The following MYO16 variants were observed in gnomAD, a reference collection of about 807,000 sequenced individuals.
The protein encoded by MYO16 is unconventional myosin-XVI.
A neutral mutation model predicts 205.3 loss-of-function variants in MYO16; 94 were observed. The ratio of observed to expected loss-of-function variants is 0.46; its 90% CI spans 0.39 to 0.54. The LOEUF (loss-of-function observed/expected upper bound fraction) is 0.54, where lower values mean the gene tolerates loss of function less well. Among genes scored for constraint, MYO16 ranks in the 20% least tolerant of loss-of-function variants. MYO16 has a pLI of 0.00. For synonymous variants in MYO16, 988 were observed against 954.0 expected (o/e 1.04, Z -0.66); for missense variants, 2,315 against 2,387.5 (o/e 0.97, Z 0.63).
chr13:108,676,601 G>A (rs529885195), intron 2 of MYO16, among the ~76,000 whole-genome samples: 1 of 152,298 alleles, frequency 6.6e-6, no homozygotes, highest in East Asian at 1.9e-4. Flanking sequence ...CCAAGGACTT[G>A]CGTCCATTGA....
At chr13:108,749,563 C>G (rs1429175323) in intron 4 of MYO16, among the ~76,000 whole-genome samples, 3 of 152,098 alleles carry the variant, frequency 2.0e-5, no homozygotes, top group Non-Finnish European at 4.4e-5. Flanking sequence ...AAAACAAGAT[C>G]CAGTACCACC....
the MYO16 span, among the ~76,000 whole-genome samples, chr13:108,562,063 A>G: frequency 6.6e-6 from 1 of 152,184 alleles, no homozygotes; most frequent in African/African-American, 2.4e-5. Context: ...TGTATTGTAG[A>G]TTTTGTTTAT....
intron 16 of MYO16, among the ~76,000 whole-genome samples, chr13:108,926,500 C>T (rs921802697): frequency 9.9e-5 from 15 of 152,150 alleles, no homozygotes; most frequent in African/African-American, 2.4e-4. Context: ...AAGGAGGCAT[C>T]GTGCTCAGGC....
At chr13:109,160,399 G>T (rs1878322590) in intron 32 of MYO16, among the ~76,000 whole-genome samples, 1 of 152,154 alleles carries the variant, frequency 6.6e-6, no homozygotes, top group Non-Finnish European at 1.5e-5. Context: ...CAAAGGCCAA[G>T]ACTTTATTTT....
chr13:109,079,515 C>A (rs1888217288), intron 27 of MYO16, among the ~76,000 whole-genome samples: 1 of 152,034 alleles, frequency 6.6e-6, no homozygotes, highest in South Asian at 2.1e-4. Context: ...CATGCAGGAA[C>A]AGAAAACCAA....
chr13:108,975,680 C>T (rs535870699), intron 20 of MYO16, among the ~76,000 whole-genome samples: 2 of 152,206 alleles, frequency 1.3e-5, no homozygotes, highest in Admixed American at 1.3e-4. Context: ...CCATTATTCT[C>T]TCTACCAGGA....
chr13:109,061,552 A>T (rs1249144398), intron 27 of MYO16, among the ~76,000 whole-genome samples: 1 of 152,144 alleles, frequency 6.6e-6, no homozygotes, highest in East Asian at 1.9e-4. Context: ...AGGTGGGGGA[A>T]CACTTGGTAG....
At chr13:109,049,566 TTTTA>T (rs1356510255) in intron 24 of MYO16, among the ~76,000 whole-genome samples, 1 of 135,744 alleles carries the variant, frequency 7.4e-6, no homozygotes, top group Non-Finnish European at 1.6e-5. Flanking sequence ...TTTTTAAATC[TTTTA>T]TTTTTCTTTT....
chr13:108,552,250 GGGACCAAAAT>G, the MYO16 span, among the ~76,000 whole-genome samples: 1 of 152,152 alleles, frequency 6.6e-6, no homozygotes, highest in Non-Finnish European at 1.5e-5. Context: ...GTGTATATGT[GGGACCAAAAT>G]GGAGAATATG....
chr13:109,151,606 C>T, intron 32 of MYO16, among the ~76,000 whole-genome samples: 1 of 152,170 alleles, frequency 6.6e-6, no homozygotes, highest in East Asian at 1.9e-4. Flanking sequence ...CAAAATCAAA[C>T]ATAACCCTTC....
At chr13:108,610,895 T>G (rs74117281) in intron 1 of MYO16, among the ~76,000 whole-genome samples, 1 of 152,194 alleles carries the variant, frequency 6.6e-6, no homozygotes, top group African/African-American at 2.4e-5. Context: ...TTCCTCTGGA[T>G]AGATAAGTCT....
intron 28 of MYO16, among the ~76,000 whole-genome samples, chr13:109,105,709 G>A (rs1298804403): frequency 1.3e-5 from 2 of 152,176 alleles, no homozygotes; most frequent in Non-Finnish European, 2.9e-5. Context: ...AAGTCACACT[G>A]CATTTTGCAC....
At position 108,869,731 on chromosome 13, in the gene MYO16, T is replaced by TAAAAAAA. The variant is rs68025820; in HGVS notation, c.1425+3512_1425+3518dup. Among the ~76,000 whole-genome samples, 294 of 66,992 alleles carry TAAAAAAA rather than the reference T, an allele frequency of 4.4e-3. 8 individuals are homozygous for TAAAAAAA. Among genetic ancestry groups the TAAAAAAA allele is most frequent in the Non-Finnish European group, 5.9e-3 (212 of 35,716 alleles). 43.9% of individuals were successfully genotyped at this position (66,992 alleles called of 152,430 possible). A position where few individuals can be genotyped will look rare whatever the true frequency, so the allele number is the denominator to read the frequency against. The stretch of plus-strand genomic sequence containing the variant: ...GGGCGACAGAGCGAGACTCCGTTTC[T>TAAAAAAA]AAAAAAAAAAAAAAAAAAAAAAAAA... On this transcript the variant is annotated intron_variant, in intron 12 of 34. Transcript: ENST00000457511.
chr13:108,741,085 G>T (rs1884892958), intron 4 of MYO16, among the ~76,000 whole-genome samples: 1 of 152,030 alleles, frequency 6.6e-6, no homozygotes, highest in South Asian at 2.1e-4. Flanking sequence ...TGCTTCCCAG[G>T]TGAAGCAATG....
chr13:108,715,540 A>T (rs1883906281), intron 3 of MYO16, among the ~76,000 whole-genome samples: 1 of 152,198 alleles, frequency 6.6e-6, no homozygotes, highest in African/African-American at 2.4e-5. Context: ...AGAGTGCCTG[A>T]TACTCGGAGA....
In MYO16 at chr13:108,844,203, AT is replaced by A. The variant is rs1212627754; in HGVS notation, c.1098-133del. 8 of 572,958 alleles carry A rather than the reference AT, an allele frequency of 1.4e-5. No homozygotes were observed. The East Asian group carries it at 1.6e-4, about 12-fold the overall frequency. The allele number at this position is 572,958 out of a possible 1,614,324, so 35.5% of individuals were successfully genotyped here. The stretch of plus-strand genomic sequence containing the variant: ...TTAAAAGTTTACAGATTTCTTACTA[AT>A]TTTTTTCCTGCAGTTTATAAGAAAT... On this transcript the variant is annotated intron_variant, in intron 9 of 34. Coordinates refer to ENST00000457511, the MANE Select transcript of MYO16 (RefSeq NM_001198950.3).
chr13:109,019,425 A>G (rs1345399906), intron 22 of MYO16, among the ~76,000 whole-genome samples: 1 of 152,192 alleles, frequency 6.6e-6, no homozygotes, highest in Admixed American at 6.5e-5. Context: ...TTTTCTTATT[A>G]AGATGAAAAT....
At chr13:108,597,770 C>T (rs9583265) in intron 1 of MYO16, among the ~76,000 whole-genome samples, 7,598 of 152,054 alleles carry the variant, frequency 0.05, 585 homozygotes, top group African/African-American at 0.17. Context: ...TGGTTTCATG[C>T]GGTCATGGTC....
intron 12 of MYO16, among the ~76,000 whole-genome samples, chr13:108,869,750 A>G (rs1165059550): frequency 8.8e-5 from 10 of 113,236 alleles, no homozygotes; most frequent in South Asian, 3.6e-4. Flanking sequence ...AAAAAAAAAA[A>G]AAAAAAAAAA....
Sources: gnomAD v4.1 joint callset for allele counts (sites outside exome capture counted in the v4.1 genomes callset) on GRCh38, gnomAD v4.1.1 for gene constraint, MANE v1.5 for transcripts, NCBI Gene and HGNC (gene_info 2026-07-23, HGNC 2026-07-21) for gene names.